CATSPERT: variants seen among roughly 807,000 people sequenced by gnomAD.
CATSPERT encodes the protein catsper channel auxiliary subunit tau.
At chr2:201,605,059 T>TACAC in the CATSPERT span, among the ~76,000 whole-genome samples, 73,632 of 149,646 alleles carry the variant, frequency 0.49, 18,118 homozygotes, top group East Asian at 0.69. Flanking sequence ...TATATATACA[T>TACAC]ACACACACAC....
the CATSPERT span, among the ~76,000 whole-genome samples, chr2:201,569,172 T>A: frequency 1.3e-5 from 2 of 152,160 alleles, no homozygotes; most frequent in African/African-American, 4.8e-5. Context: ...TTTTTGGAAG[T>A]ATACTAGGGT....
At chr2:201,560,883 A>C in the CATSPERT span, among the ~76,000 whole-genome samples, 1 of 151,690 alleles carries the variant, frequency 6.6e-6, no homozygotes, top group Non-Finnish European at 1.5e-5. Flanking sequence ...CCCAGGTTCC[A>C]ACGATTCTCC....
chr2:201,491,758 T>A, the CATSPERT span: 1 of 1,537,144 alleles, frequency 6.5e-7, no homozygotes, highest in South Asian at 1.2e-5. Flanking sequence ...CTCCTTTCTA[T>A]CAAGGGACTT....
chr2:201,598,884 C>T, the CATSPERT span, among the ~76,000 whole-genome samples: 1 of 152,084 alleles, frequency 6.6e-6, no homozygotes. Context: ...CCCAGCCAAC[C>T]ACCTCCTAAT....
At chr2:201,520,465 TC>T in the CATSPERT span, among the ~76,000 whole-genome samples, 1 of 152,150 alleles carries the variant, frequency 6.6e-6, no homozygotes, top group Non-Finnish European at 1.5e-5. Context: ...TCTTATCTAG[TC>T]TCTTATCTGA....
chr2:201,598,446 T>C, the CATSPERT span, among the ~76,000 whole-genome samples: 1 of 151,852 alleles, frequency 6.6e-6, no homozygotes, highest in East Asian at 1.9e-4. Flanking sequence ...AAAAAGCTTC[T>C]GTAAGTTATG....
the CATSPERT span, chr2:201,492,909 T>A: frequency 6.5e-7 from 1 of 1,536,688 alleles, no homozygotes; most frequent in Non-Finnish European, 8.7e-7. Context: ...AATGTTTTAC[T>A]TCTGACTCTG....
At chr2:201,504,191 T>C in the CATSPERT span, among the ~76,000 whole-genome samples, 10 of 152,224 alleles carry the variant, frequency 6.6e-5, no homozygotes, top group Non-Finnish European at 1.5e-4. Flanking sequence ...CTCTGTCTGC[T>C]AAATTTCAGA....
At chr2:201,509,932 A>G in the CATSPERT span, among the ~76,000 whole-genome samples, 1 of 150,868 alleles carries the variant, frequency 6.6e-6, no homozygotes, top group African/African-American at 2.5e-5. Context: ...TATAATATAT[A>G]CATTTAATTT....
At chr2:201,560,483 CAAT>C in the CATSPERT span, among the ~76,000 whole-genome samples, 4 of 149,040 alleles carry the variant, frequency 2.7e-5, no homozygotes, top group Non-Finnish European at 3.0e-5. Context: ...ACAACAACAA[CAAT>C]AATAATAATG....
chr2:201,609,411 A>G, the CATSPERT span, among the ~76,000 whole-genome samples: 27 of 152,342 alleles, frequency 1.8e-4, no homozygotes, highest in South Asian at 5.2e-3. Flanking sequence ...ACCACATGGA[A>G]AATTCTCCAT....
At chr2:201,491,378 T>G in the CATSPERT span, 1 of 1,537,070 alleles carries the variant, frequency 6.5e-7, no homozygotes. Flanking sequence ...GGTTTCAAGT[T>G]TTTCTCATCT....
At chr2:201,560,185 T>C in the CATSPERT span, among the ~76,000 whole-genome samples, 10 of 152,234 alleles carry the variant, frequency 6.6e-5, no homozygotes, top group East Asian at 1.7e-3. Flanking sequence ...CCCAGCACTT[T>C]GGGAGGCCAA....
At chr2:201,505,176 T>C in the CATSPERT span, among the ~76,000 whole-genome samples, 3 of 152,208 alleles carry the variant, frequency 2.0e-5, no homozygotes, top group Admixed American at 6.5e-5. Flanking sequence ...CTCAGTTCAC[T>C]GCAACCTCCA....
At chr2:201,604,145 A>ACG in the CATSPERT span, among the ~76,000 whole-genome samples, 2 of 148,282 alleles carry the variant, frequency 1.3e-5, no homozygotes, top group Admixed American at 6.7e-5. Flanking sequence ...GTGTGTGTGT[A>ACG]TGTGTGTGTG....
At chr2:201,519,819 T>C in the CATSPERT span, among the ~76,000 whole-genome samples, 1 of 152,172 alleles carries the variant, frequency 6.6e-6, no homozygotes, top group South Asian at 2.1e-4. Flanking sequence ...AAAAACGTCT[T>C]CACCTATCAA....
the CATSPERT span, among the ~76,000 whole-genome samples, chr2:201,606,032 T>C: frequency 6.7e-4 from 102 of 152,138 alleles, 1 homozygote; most frequent in Middle Eastern, 3.4e-3. Context: ...GATAATGAGA[T>C]AGAGAAAGAA....
At chr2:201,550,446 A>T in the CATSPERT span, 2 of 152,174 alleles carry the variant, frequency 1.3e-5, no homozygotes, top group African/African-American at 4.8e-5. Flanking sequence ...TAAAAATTTC[A>T]AAATATACCT....
the CATSPERT span, chr2:201,582,058 C>T: frequency 9.5e-6 from 15 of 1,586,506 alleles, no homozygotes; most frequent in East Asian, 4.6e-5. Context: ...CAACTGGCAA[C>T]GTGATACCAA....
Sources: gnomAD v4.1 joint callset for allele counts (sites outside exome capture counted in the v4.1 genomes callset) on GRCh38, gnomAD v4.1.1 for gene constraint, MANE v1.5 for transcripts, NCBI Gene and HGNC (gene_info 2026-07-23, HGNC 2026-07-21) for gene names.